The following CADM1 variants were observed in gnomAD, a reference collection of about 807,000 sequenced individuals.
CADM1 encodes cell adhesion molecule 1.
In CADM1, 15 loss-of-function variants were observed where a neutral mutation model predicts 53.1. That is an observed-to-expected ratio of 0.28 (90% CI 0.19 to 0.44). The LOEUF (loss-of-function observed/expected upper bound fraction) is 0.44. CADM1 is among the 20% of genes least tolerant of loss of function. CADM1 has a pLI of 1.00. For missense variants in CADM1, 434 were observed against 611.3 expected, an observed-to-expected ratio of 0.71 and a Z score of 3.06; for synonymous variants, 281 against 243.0, an observed-to-expected ratio of 1.16 and a Z score of -1.45.
chr11:115,421,779 T>C (rs1327837210), intron 1 of CADM1, among the ~76,000 whole-genome samples: 1 of 152,206 alleles, frequency 6.6e-6, no homozygotes, highest in Non-Finnish European at 1.5e-5. Flanking sequence ...TTCACTCAAA[T>C]GAACTTGACA....
intron 1 of CADM1, among the ~76,000 whole-genome samples, chr11:115,301,239 A>G (rs898547412): frequency 1.3e-5 from 2 of 152,014 alleles, no homozygotes; most frequent in African/African-American, 4.8e-5. Flanking sequence ...TTTTTTTTCA[A>G]AAGAGGGATA....
chr11:115,180,531 G>C (rs57135607), intron 10 of CADM1, among the ~76,000 whole-genome samples: 1,769 of 152,220 alleles, frequency 0.012, 27 homozygotes, highest in African/African-American at 0.04. Context: ...TGGTGGAGAG[G>C]AATCTCCCTC....
intron 1 of CADM1, among the ~76,000 whole-genome samples, chr11:115,478,881 A>G (rs1410237040): frequency 2.6e-5 from 4 of 152,166 alleles, no homozygotes; most frequent in East Asian, 1.9e-4. Flanking sequence ...GCTACCAAGT[A>G]TTCCATTGTA....
intron 1 of CADM1, among the ~76,000 whole-genome samples, chr11:115,329,014 A>T (rs1945062008): frequency 6.6e-6 from 1 of 151,658 alleles, no homozygotes; most frequent in African/African-American, 2.4e-5. Flanking sequence ...ATAAATTTTA[A>T]TGAACTATTA....
intron 1 of CADM1, among the ~76,000 whole-genome samples, chr11:115,422,391 G>A (rs917207591): frequency 2.0e-5 from 3 of 152,162 alleles, no homozygotes; most frequent in Non-Finnish European, 4.4e-5. Context: ...AAAACAGGCA[G>A]GCATTACAAC....
At chr11:115,460,129 C>A (rs1948763655) in intron 1 of CADM1, among the ~76,000 whole-genome samples, 1 of 151,924 alleles carries the variant, frequency 6.6e-6, no homozygotes, top group African/African-American at 2.4e-5. Context: ...CTTCCAAACC[C>A]CCTCTCCTGA....
chr11:115,380,697 G>C (rs1946554179), intron 1 of CADM1, among the ~76,000 whole-genome samples: 1 of 152,152 alleles, frequency 6.6e-6, no homozygotes. Context: ...CTAAAGAGGA[G>C]ACAGTGAGAA....
Position 115,174,369 on chromosome 11 carries a change from G to T in CADM1, c.*2105C>A. ...CTAAATGATTCTCACCCTTTGATATGATTATACTATGGTCGGAATGGGTGC... is the reference window on the plus strand; with the variant it reads ...CTAAATGATTCTCACCCTTTGATATTATTATACTATGGTCGGAATGGGTGC... On this transcript the variant is annotated 3_prime_UTR_variant, in exon 12 of 12. Transcript: ENST00000331581. 16 of 985,290 alleles carry T rather than the reference G, an allele frequency of 1.6e-5. No homozygotes were observed. The highest frequency in any genetic ancestry group is 1.9e-5 in the Non-Finnish European group (16 of 829,698). The allele number at this position is 985,290 out of a possible 1,614,324, so 61.0% of individuals were successfully genotyped here.
rs220832 is a variant in CADM1, at chr11:115,400,641, G to A, written c.124+103630C>T. 1.1e-3 allele frequency among the ~76,000 whole-genome samples: 42 copies of A among 37,480 alleles called. 1 individual carries two copies. The highest frequency in any genetic ancestry group is 2.9e-3 in the African/African-American group (33 of 11,408). 24.6% of individuals were successfully genotyped at this position (37,480 alleles called of 152,430 possible). On this transcript the variant is annotated intron_variant, in intron 1 of 11. Transcript: ENST00000331581. Reference sequence around the variant, plus strand: ...TTTTATATATATGTATCATATATATGTGTGTGTGTGTGTGTGTGTGTATAT... The same window carrying A: ...TTTTATATATATGTATCATATATATATGTGTGTGTGTGTGTGTGTGTATAT...
chr11:115,180,911 T>C (rs1262621025), intron 10 of CADM1, among the ~76,000 whole-genome samples: 2 of 152,166 alleles, frequency 1.3e-5, no homozygotes, highest in East Asian at 3.9e-4. Flanking sequence ...AATTTATGTG[T>C]CTTTCGATGA....
At chr11:115,201,491 T>TTTA (rs1940426981) in intron 8 of CADM1, among the ~76,000 whole-genome samples, 1 of 152,084 alleles carries the variant, frequency 6.6e-6, no homozygotes, top group Admixed American at 6.6e-5. Context: ...TGAGGCAGGA[T>TTTA]TTATTAGGGT....
intron 1 of CADM1, among the ~76,000 whole-genome samples, chr11:115,245,164 A>G (rs895814016): frequency 1.1e-4 from 16 of 152,236 alleles, no homozygotes; most frequent in African/African-American, 3.6e-4. Context: ...GAAAGGGCAA[A>G]TACAGTCCCT....
chr11:115,231,928 G>A (rs1256379194), intron 3 of CADM1, among the ~76,000 whole-genome samples: 1 of 152,130 alleles, frequency 6.6e-6, no homozygotes, highest in African/African-American at 2.4e-5. Flanking sequence ...GGAGGTTACA[G>A]TGAGCCGAGA....
chr11:115,476,400 G>A (rs910595534), intron 1 of CADM1, among the ~76,000 whole-genome samples: 2 of 152,144 alleles, frequency 1.3e-5, no homozygotes, highest in Admixed American at 1.3e-4. Flanking sequence ...AGAATGATTG[G>A]TGATTTGTTT....
chr11:115,422,127 T>C (rs182861453), intron 1 of CADM1, among the ~76,000 whole-genome samples: 4 of 152,324 alleles, frequency 2.6e-5, no homozygotes, highest in Admixed American at 2.0e-4. Flanking sequence ...GCTTGCTTCT[T>C]GTCCACAGGT....
intron 1 of CADM1, among the ~76,000 whole-genome samples, chr11:115,403,023 A>G (rs1205665307): frequency 6.6e-6 from 1 of 152,242 alleles, no homozygotes; most frequent in Non-Finnish European, 1.5e-5. Context: ...TGCTAAAATT[A>G]CAAAGAGAAA....
At chr11:115,297,015 T>C (rs1393787267) in intron 1 of CADM1, among the ~76,000 whole-genome samples, 1 of 152,238 alleles carries the variant, frequency 6.6e-6, no homozygotes, top group Admixed American at 6.5e-5. Context: ...GCAGCATCTA[T>C]GTAGAACAAG....
At chr11:115,343,408 G>C (rs557459956) in intron 1 of CADM1, among the ~76,000 whole-genome samples, 2 of 152,028 alleles carry the variant, frequency 1.3e-5, no homozygotes, top group Non-Finnish European at 2.9e-5. Flanking sequence ...TAAGAGAACT[G>C]GAACACAAAG....
At chr11:115,330,290 T>C (rs1945097293) in intron 1 of CADM1, among the ~76,000 whole-genome samples, 1 of 152,188 alleles carries the variant, frequency 6.6e-6, no homozygotes, top group African/African-American at 2.4e-5. Flanking sequence ...ATTTACTAGA[T>C]GTAAACTCTT....
Sources: gnomAD v4.1 joint callset for allele counts (sites outside exome capture counted in the v4.1 genomes callset) on GRCh38, gnomAD v4.1.1 for gene constraint, MANE v1.5 for transcripts, NCBI Gene and HGNC (gene_info 2026-07-23, HGNC 2026-07-21) for gene names.